The following METTL15 variants were observed in gnomAD, a reference collection of about 807,000 sequenced individuals.
METTL15 encodes methyltransferase 15, mitochondrial 12S rRNA N4-cytidine.
A neutral mutation model predicts 38.3 loss-of-function variants in METTL15; 34 were observed. The observed-to-expected ratio is 0.89, with a 90% confidence interval of 0.68 to 1.18. METTL15 has a LOEUF of 1.18. METTL15 is among the 50% of genes most tolerant of loss of function. METTL15 has a pLI of 0.00. For missense variants in METTL15, 438 were observed against 498.4 expected, an observed-to-expected ratio of 0.88 and a Z score of 1.15; for synonymous variants, 162 against 170.9, an observed-to-expected ratio of 0.95 and a Z score of 0.41.
At chr11:28,480,602 G>A (rs764908647) in intron 6 of METTL15, among the ~76,000 whole-genome samples, 15 of 152,126 alleles carry the variant, frequency 9.9e-5, no homozygotes, top group East Asian at 1.9e-4. Context: ...TGGTTTTAGC[G>A]GTGACCCTGG....
intron 3 of METTL15, among the ~76,000 whole-genome samples, chr11:28,159,215 A>G (rs1478248989): frequency 3.3e-5 from 5 of 152,134 alleles, no homozygotes; most frequent in Non-Finnish European, 7.4e-5. Flanking sequence ...AGGGAGATAC[A>G]GTGTTGGCTG....
intron 4 of METTL15, among the ~76,000 whole-genome samples, chr11:28,228,217 A>C (rs375836806): frequency 6.6e-6 from 1 of 151,746 alleles, no homozygotes; most frequent in Non-Finnish European, 1.5e-5. Flanking sequence ...TTTCATGTCT[A>C]CCTCAAGGCT....
At chr11:28,241,426 C>A (rs1440882739) in intron 4 of METTL15, among the ~76,000 whole-genome samples, 1 of 151,262 alleles carries the variant, frequency 6.6e-6, no homozygotes, top group African/African-American at 2.4e-5. Context: ...CCCAGCTACT[C>A]GGGAGGCTGA....
chr11:28,381,167 A>T (rs1048314853), intron 5 of METTL15, among the ~76,000 whole-genome samples: 1 of 151,744 alleles, frequency 6.6e-6, no homozygotes, highest in African/African-American at 2.4e-5. Flanking sequence ...GCTAATTTTT[A>T]TTTTTTATTT....
intron 6 of METTL15, among the ~76,000 whole-genome samples, chr11:28,471,811 A>T (rs1272696220): frequency 6.6e-6 from 1 of 152,146 alleles, no homozygotes. Flanking sequence ...AGTTGAAAAA[A>T]AAAATTGTCC....
At chr11:28,344,566 G>A (rs1295550099) in intron 3 of METTL15, among the ~76,000 whole-genome samples, 1 of 152,154 alleles carries the variant, frequency 6.6e-6, no homozygotes, top group African/African-American at 2.4e-5. Flanking sequence ...CCAGTGATAT[G>A]TCAAAGGGTA....
intron 4 of METTL15, among the ~76,000 whole-genome samples, chr11:28,356,433 G>A (rs1850090739): frequency 2.0e-5 from 3 of 152,086 alleles, no homozygotes; most frequent in South Asian, 2.1e-4. Context: ...AGGTTAGATC[G>A]AACATTTCAA....
chr11:28,384,399 C>T (rs1444601963), intron 5 of METTL15, among the ~76,000 whole-genome samples: 8 of 151,820 alleles, frequency 5.3e-5, no homozygotes. Flanking sequence ...ACCTCTGCCT[C>T]CCAGGTTCAA....
intron 3 of METTL15, among the ~76,000 whole-genome samples, chr11:28,160,622 A>G (rs1190654888): frequency 6.6e-6 from 1 of 152,128 alleles, no homozygotes; most frequent in Non-Finnish European, 1.5e-5. Flanking sequence ...ACATTGTAAT[A>G]CATTGGAGTT....
chr11:28,197,591 AT>A, intron 3 of METTL15: 1 of 400,382 alleles, frequency 2.5e-6, no homozygotes, highest in Non-Finnish European at 5.2e-6. Context: ...GTGGTATAGT[AT>A]GGCCTTTTCT....
chr11:28,114,991 G>T (rs139596562), intron 3 of METTL15, among the ~76,000 whole-genome samples: 1 of 152,252 alleles, frequency 6.6e-6, no homozygotes, highest in South Asian at 2.1e-4. Flanking sequence ...TTCAGGAATG[G>T]CTGGAGACAA....
chr11:28,457,716 C>T (rs1471787183), intron 6 of METTL15, among the ~76,000 whole-genome samples: 3 of 152,140 alleles, frequency 2.0e-5, no homozygotes, highest in African/African-American at 7.2e-5. Flanking sequence ...GGTACTCTGC[C>T]CTTCTTAGGT....
chr11:28,320,116 A>AT, intron 6 of METTL15, among the ~76,000 whole-genome samples: 1 of 151,822 alleles, frequency 6.6e-6, no homozygotes, highest in East Asian at 1.9e-4. Context: ...TGGGTAATAA[A>AT]TTTTTTTAGT....
chr11:28,209,336 A>G (rs1003234568), intron 3 of METTL15, among the ~76,000 whole-genome samples: 1 of 151,988 alleles, frequency 6.6e-6, no homozygotes, highest in African/African-American at 2.4e-5. Flanking sequence ...TGGTTAAATT[A>G]TGTTGAACTT....
intron 6 of METTL15, among the ~76,000 whole-genome samples, chr11:28,504,878 C>CT (rs2133494935): frequency 6.6e-6 from 1 of 152,302 alleles, no homozygotes; most frequent in East Asian, 1.9e-4. Context: ...CTTTCTCTGG[C>CT]TAGTATAGAG....
chr11:28,280,380 C>T (rs1390535380), intron 4 of METTL15, among the ~76,000 whole-genome samples: 1 of 152,056 alleles, frequency 6.6e-6, no homozygotes, highest in African/African-American at 2.4e-5. Context: ...GACTGTTGCT[C>T]TCTTGAGTGT....
chr11:28,495,085 A>G (rs191164025), intron 6 of METTL15, among the ~76,000 whole-genome samples: 63 of 152,334 alleles, frequency 4.1e-4, no homozygotes, highest in African/African-American at 1.5e-3. Flanking sequence ...TCTATTGTGC[A>G]TCTATTACAT....
chr11:28,253,250 A>G (rs1219936017), intron 4 of METTL15, among the ~76,000 whole-genome samples: 1 of 152,132 alleles, frequency 6.6e-6, no homozygotes, highest in Non-Finnish European at 1.5e-5. Flanking sequence ...TCCATTTCCT[A>G]TCTCAGTAAT....
At chr11:28,394,226 C>T (rs1319066830) in intron 5 of METTL15, among the ~76,000 whole-genome samples, 1 of 151,974 alleles carries the variant, frequency 6.6e-6, no homozygotes, top group Non-Finnish European at 1.5e-5. Flanking sequence ...TTATCACAGG[C>T]TCTATGACAT....
Sources: allele counts gnomAD v4.1 joint callset (sites outside exome capture counted in the v4.1 genomes callset), GRCh38; gene constraint gnomAD v4.1.1; transcripts MANE v1.5; gene names NCBI Gene and HGNC (gene_info 2026-07-23, HGNC 2026-07-21).